KCTD8: variants seen among roughly 807,000 people sequenced by gnomAD.
KCTD8 encodes BTB/POZ domain-containing protein KCTD8.
Under a neutral mutation model 31.5 loss-of-function variants are expected in KCTD8, and 27 were observed. The ratio of observed to expected loss-of-function variants is 0.86; its 90% CI spans 0.63 to 1.18. KCTD8 has a LOEUF of 1.18. Among genes scored for constraint, KCTD8 ranks in the 50% most tolerant of loss-of-function variants. The pLI is 0.00. For synonymous variants in KCTD8, 290 were observed against 280.0 expected (o/e 1.04, Z -0.36); for missense variants, 658 against 647.7 (o/e 1.02, Z -0.17).
At chr4:44,411,759 C>A (rs537546089) in intron 1 of KCTD8, among the ~76,000 whole-genome samples, 116 of 152,028 alleles carry the variant, frequency 7.6e-4, no homozygotes, top group African/African-American at 2.6e-3. Flanking sequence ...GAAGAATGCC[C>A]TATGACAACA....
chr4:44,175,362 A>G lies in KCTD8; in HGVS notation c.962-112T>C, dbSNP rs539299717. 5 of 660,514 alleles carry G rather than the reference A, an allele frequency of 7.6e-6. No individual in the cohort carries two copies. The East Asian group carries it at 1.1e-4, about 15-fold the overall frequency. The allele number at this position is 660,514 out of a possible 1,614,324, so 40.9% of individuals were successfully genotyped here. A position where few individuals can be genotyped will look rare whatever the true frequency, so the allele number is the denominator to read the frequency against. On this transcript the variant is annotated intron_variant, in intron 1 of 1. Transcript: ENST00000360029. Reference sequence around the variant, plus strand: ...TTTTAAACCAAGAACATTTATTTTAACAAAAATGGTGCATATTGTACTAGT... The same window carrying G: ...TTTTAAACCAAGAACATTTATTTTAGCAAAAATGGTGCATATTGTACTAGT...
At chr4:44,389,361 G>T (rs1423293648) in intron 1 of KCTD8, among the ~76,000 whole-genome samples, 1 of 151,772 alleles carries the variant, frequency 6.6e-6, no homozygotes, top group Non-Finnish European at 1.5e-5. Flanking sequence ...ATTACACATT[G>T]CACACGTGTA....
At chr4:44,194,803 CCCTCCCTCCCTCCCTT>C (rs1713886405) in intron 1 of KCTD8, among the ~76,000 whole-genome samples, 1 of 96,882 alleles carries the variant, frequency 1.0e-5, no homozygotes, top group African/African-American at 4.1e-5. Flanking sequence ...CTCCCTCCCT[CCCTCCCTCCCTCCCTT>C]CCTTCCTTCC....
chr4:44,227,545 A>T (rs960625815), intron 1 of KCTD8, among the ~76,000 whole-genome samples: 3 of 152,206 alleles, frequency 2.0e-5, no homozygotes, highest in Non-Finnish European at 4.4e-5. Flanking sequence ...GGATCAAGTG[A>T]CAGAGTGTAT....
intron 1 of KCTD8, among the ~76,000 whole-genome samples, chr4:44,319,543 A>G (rs1718233282): frequency 6.6e-6 from 1 of 152,098 alleles, no homozygotes. Flanking sequence ...GCTTAAATAT[A>G]AAATAATAGA....
intron 1 of KCTD8, among the ~76,000 whole-genome samples, chr4:44,266,084 A>G (rs1330025055): frequency 1.3e-5 from 2 of 152,150 alleles, no homozygotes; most frequent in Admixed American, 1.3e-4. Flanking sequence ...TCCAAGACAC[A>G]TAATTGTCAG....
At chr4:44,233,908 T>C (rs1222321644) in intron 1 of KCTD8, among the ~76,000 whole-genome samples, 1 of 152,170 alleles carries the variant, frequency 6.6e-6, no homozygotes, top group Admixed American at 6.5e-5. Flanking sequence ...TTCATCCAGA[T>C]ATTGAGTATT....
chr4:44,206,057 G>A (rs142903685), intron 1 of KCTD8, among the ~76,000 whole-genome samples: 355 of 152,132 alleles, frequency 2.3e-3, no homozygotes, highest in Non-Finnish European at 4.0e-3. Context: ...CCTGGTACTG[G>A]GAACAGTGAA....
chr4:44,190,539 T>C (rs958212977), intron 1 of KCTD8, among the ~76,000 whole-genome samples: 4 of 152,204 alleles, frequency 2.6e-5, no homozygotes, highest in African/African-American at 9.6e-5. Context: ...TAACCTAGAC[T>C]TGGCCAATCA....
chr4:44,387,253 C>T (rs775285450), intron 1 of KCTD8, among the ~76,000 whole-genome samples: 2 of 151,694 alleles, frequency 1.3e-5, no homozygotes, highest in Non-Finnish European at 2.9e-5. Context: ...AAATTCAATG[C>T]TCAGGGATAC....
Position 44,175,289 on chromosome 4 carries a change from T to C in KCTD8, c.962-39A>G, listed in dbSNP as rs180681988. ...AAAAAAAAGAAGAAGAGTAGAACAG[T>C]TGAATAAGAAGTGTGAAGGTAAAAT... On this transcript the variant is annotated intron_variant, in intron 1 of 1. Transcript: ENST00000360029. 9.7e-6 allele frequency: 12 copies of C among 1,241,594 alleles called. No individual in the cohort carries two copies. The East Asian group carries it at 2.8e-4, about 29-fold the overall frequency. 76.9% of individuals were successfully genotyped at this position (1,241,594 alleles called of 1,614,324 possible).
At chr4:44,247,119 A>C (rs1310745895) in intron 1 of KCTD8, among the ~76,000 whole-genome samples, 2 of 152,036 alleles carry the variant, frequency 1.3e-5, no homozygotes, top group Non-Finnish European at 2.9e-5. Flanking sequence ...TCACCACCTA[A>C]GCGGATCACA....
At chr4:44,308,537 G>T (rs1055407118) in intron 1 of KCTD8, among the ~76,000 whole-genome samples, 1 of 151,596 alleles carries the variant, frequency 6.6e-6, no homozygotes, top group Non-Finnish European at 1.5e-5. Flanking sequence ...ATATGATTTT[G>T]TATTTCAATA....
intron 1 of KCTD8, among the ~76,000 whole-genome samples, chr4:44,324,569 T>C (rs1560426523): frequency 6.6e-6 from 1 of 152,194 alleles, no homozygotes; most frequent in Admixed American, 6.5e-5. Context: ...TGACAAATAA[T>C]GTGAACATGG....
In KCTD8 at chr4:44,175,179, CT is replaced by C; in HGVS notation, c.1032del (p.Gly345GlufsTer43). On this transcript the variant is annotated frameshift_variant, in exon 2 of 2. Transcript: ENST00000360029. LOFTEE classifies it high-confidence loss of function. ...EDRKHDKVTD[K>X]GSESGTSCNE... The stretch of plus-strand genomic sequence containing the variant: ...TTACAGGAAGTCCCACTTTCACTTC[CT>C]TTATCAGTGACTTTGTCATGTTTCC... 1 of 1,612,040 alleles carries C rather than the reference CT, an allele frequency of 6.2e-7. No individual in the cohort carries two copies. The highest frequency in any genetic ancestry group is 1.3e-5 in the African/African-American group (1 of 74,904).
chr4:44,235,265 T>C (rs1322905651), intron 1 of KCTD8, among the ~76,000 whole-genome samples: 1 of 150,492 alleles, frequency 6.6e-6, no homozygotes, highest in Non-Finnish European at 1.5e-5. Context: ...ACTTCAGATC[T>C]GGAAGAGTTA....
rs1340573191 is a variant in KCTD8, at chr4:44,448,227, G to A, written c.297C>T (p.Ile99=). 3 of 1,611,936 alleles carry A rather than the reference G, an allele frequency of 1.9e-6. No homozygotes were observed. Among genetic ancestry groups the A allele is most frequent in the African/African-American group, 2.7e-5 (2 of 74,880 alleles). The change falls in exon 1 of 2, where the codon ATC becomes ATT. Residue 99 remains isoleucine, a synonymous_variant. Coordinates refer to ENST00000360029, the MANE Select transcript of KCTD8 (RefSeq NM_198353.3). The surrounding 1 kb of genome is among the most constrained non-coding windows in gnomAD (Gnocchi z 4.1). ...ACCTGAAAAGGAAGCCGTCCCGGTC[G>A]ATGAAGAAGCGCGCCCGGCTGTCCC... The part of the protein sequence containing the change: ...LPRDSRARFF[I]DRDGFLFRYV...
chr4:44,313,346 A>ATAAT (rs1380263292), intron 1 of KCTD8, among the ~76,000 whole-genome samples: 1 of 152,170 alleles, frequency 6.6e-6, no homozygotes, highest in African/African-American at 2.4e-5. Flanking sequence ...CGTAGTGAAG[A>ATAAT]TAATAGCCAT....
chr4:44,399,250 G>A (rs13132855), intron 1 of KCTD8, among the ~76,000 whole-genome samples: 8,224 of 152,144 alleles, frequency 0.054, 294 homozygotes, highest in Admixed American at 0.11. Context: ...AAAGGCAGAC[G>A]TCTGACTGTG....
Sources: allele counts gnomAD v4.1 joint callset (sites outside exome capture counted in the v4.1 genomes callset), GRCh38; gene constraint gnomAD v4.1.1; non-coding constraint Gnocchi (gnomAD v3.1); transcripts MANE v1.5; gene names NCBI Gene and HGNC (gene_info 2026-07-23, HGNC 2026-07-21).